The following PCDH15 variants were observed in gnomAD, a reference collection of about 807,000 sequenced individuals.
PCDH15 encodes the protein protocadherin related 15.
A neutral mutation model predicts 178.5 loss-of-function variants in PCDH15; 129 were observed. The observed-to-expected ratio is 0.72, with a 90% CI of 0.63 to 0.84. The LOEUF (loss-of-function observed/expected upper bound fraction) is 0.84. Ranked by LOEUF, PCDH15 falls within the 40% of genes least tolerant of loss-of-function variation. The pLI is 0.00. For missense variants in PCDH15, 2,230 were observed against 2,099.9 expected (o/e 1.06, Z -1.21); for synonymous variants, 800 against 732.0 (o/e 1.09, Z -1.50).
chr10:54,468,704 T>C (rs2077693132), intron 3 of PCDH15, among the ~76,000 whole-genome samples: 1 of 152,198 alleles, frequency 6.6e-6, no homozygotes, highest in Non-Finnish European at 1.5e-5. Context: ...TCTTTTTTGA[T>C]GTTTTTGTCA....
intron 25 of PCDH15, among the ~76,000 whole-genome samples, chr10:53,926,676 G>A (rs1168949135): frequency 6.6e-6 from 1 of 152,172 alleles, no homozygotes; most frequent in African/African-American, 2.4e-5. Flanking sequence ...ACATGTTCTA[G>A]GATCTGAGGG....
At chr10:54,409,474 T>C (rs1953161504) in intron 3 of PCDH15, among the ~76,000 whole-genome samples, 1 of 152,172 alleles carries the variant, frequency 6.6e-6, no homozygotes, top group South Asian at 2.1e-4. Flanking sequence ...CTGTTGAAGA[T>C]GAGGAACTAG....
intron 1 of PCDH15, among the ~76,000 whole-genome samples, chr10:55,189,700 T>C (rs932967641): frequency 6.6e-6 from 1 of 151,892 alleles, no homozygotes; most frequent in Non-Finnish European, 1.5e-5. Flanking sequence ...TCTTTTTCTT[T>C]TTTTGCAATA....
intron 1 of PCDH15, among the ~76,000 whole-genome samples, chr10:55,263,259 T>C (rs776916558): frequency 1.3e-5 from 2 of 152,198 alleles, no homozygotes; most frequent in African/African-American, 4.8e-5. Flanking sequence ...CTCTTTTCTC[T>C]CTTTTATGGT....
At chr10:54,369,085 C>T in intron 5 of PCDH15, 35 bp downstream of exon 5, 1 of 1,608,398 alleles carries the variant, frequency 6.2e-7, no homozygotes, top group Non-Finnish European at 8.5e-7. Context: ...CATATATCAA[C>T]AGAAAGGACA....
chr10:55,148,143 G>A (rs780786539), intron 2 of PCDH15, among the ~76,000 whole-genome samples: 3 of 151,706 alleles, frequency 2.0e-5, no homozygotes, highest in Admixed American at 2.0e-4. Flanking sequence ...CTATCACATA[G>A]TACTGAAAAT....
intron 17 of PCDH15, among the ~76,000 whole-genome samples, chr10:54,069,303 A>C (rs12255282): frequency 0.21 from 32,157 of 152,092 alleles, 3,612 homozygotes; most frequent in Non-Finnish European, 0.25. Context: ...TTTAAAATTT[A>C]TATTCATGTT....
chr10:54,656,125 T>C (rs182478523), intron 2 of PCDH15: 2 of 152,304 alleles, frequency 1.3e-5, no homozygotes, highest in African/African-American at 4.8e-5. Flanking sequence ...TTTTTGTTTA[T>C]TTCTTTGTTT....
chr10:55,177,397 C>T (rs1374038171), intron 1 of PCDH15, among the ~76,000 whole-genome samples: 6 of 152,104 alleles, frequency 3.9e-5, no homozygotes, highest in African/African-American at 1.4e-4. Flanking sequence ...CCGTTCAATC[C>T]TTATGGATCA....
intron 6 of PCDH15, 90 bp from the exon 7 acceptor site, chr10:54,329,796 G>A: frequency 1.2e-6 from 1 of 841,846 alleles, no homozygotes; most frequent in East Asian, 2.4e-5. Flanking sequence ...TTGGAAGTTA[G>A]AGATGACATG....
At chr10:53,957,718 G>A (rs2087770725) in intron 23 of PCDH15, among the ~76,000 whole-genome samples, 2 of 151,820 alleles carry the variant, frequency 1.3e-5, no homozygotes, top group South Asian at 2.1e-4. Context: ...GTTGACCTCG[G>A]GCAACAAACT....
At chr10:54,142,277 T>G (rs764454934) in intron 14 of PCDH15, among the ~76,000 whole-genome samples, 42 of 152,162 alleles carry the variant, frequency 2.8e-4, no homozygotes, top group Non-Finnish European at 5.4e-4. Flanking sequence ...CTAATCCTTG[T>G]GCTGTTAAGT....
At position 55,564,172 on chromosome 10, in the gene PCDH15, T is replaced by C. The variant is rs571178565; in HGVS notation, c.-156+63453A>G. Among the ~76,000 whole-genome samples, 17 of 151,868 alleles carry C rather than the reference T, an allele frequency of 1.1e-4. No individual in the cohort carries two copies. The South Asian group carries it at 3.3e-3, about 30-fold the overall frequency. On this transcript the variant is annotated intron_variant, in intron 2 of 5. Coordinates refer to the PCDH15 transcript ENST00000613346. ...ATTTTGTTTTATACATAATAGAGAA[T>C]ACTAATATATTTAAAATGATTATGT... is the stretch of plus-strand genomic sequence containing the variant.
At chr10:54,454,777 T>C (rs978061509) in intron 3 of PCDH15, among the ~76,000 whole-genome samples, 3 of 152,212 alleles carry the variant, frequency 2.0e-5, no homozygotes, top group African/African-American at 7.2e-5. Flanking sequence ...TTTGACCTTT[T>C]CAAGCAAAAT....
intron 3 of PCDH15, among the ~76,000 whole-genome samples, chr10:54,873,443 G>T (rs1954075445): frequency 6.7e-6 from 1 of 150,152 alleles, no homozygotes; most frequent in Non-Finnish European, 1.5e-5. Flanking sequence ...TGATAGTTTT[G>T]TGATAAAAAA....
chr10:54,112,441 T>C (rs886975855), intron 15 of PCDH15, among the ~76,000 whole-genome samples: 1 of 152,138 alleles, frequency 6.6e-6, no homozygotes, highest in Non-Finnish European at 1.5e-5. Flanking sequence ...CAGAGATCCA[T>C]TGCTTTTATC....
rs146621886 is a variant in PCDH15 at position 54,764,469 on chromosome 10, T to C, written c.-29+36456A>G. ...GTAAGAAAATAAAAAATAAAGATTT[T>C]AATTCCAAGAATGCCCCAAACTAAG... On this transcript the variant is annotated intron_variant, in intron 1 of 37. Transcript: ENST00000644397. Among the ~76,000 whole-genome samples the C allele has an allele frequency of 6.5e-3, 921 of 141,400 alleles. 6 individuals carry two copies. Among genetic ancestry groups the C allele is most frequent in the Non-Finnish European group, 9.9e-3 (628 of 63,152 alleles). The allele number at this position is 141,400 out of a possible 152,430, so 92.8% of individuals were successfully genotyped here.
intron 3 of PCDH15, among the ~76,000 whole-genome samples, chr10:54,482,406 CAATTA>C (rs909752140): frequency 1.3e-5 from 2 of 151,432 alleles, no homozygotes; most frequent in African/African-American, 4.8e-5. Context: ...ATTGATATCC[CAATTA>C]AATTAAAAGA....
chr10:54,080,850 T>A (rs1453776882), intron 16 of PCDH15, among the ~76,000 whole-genome samples: 1 of 152,322 alleles, frequency 6.6e-6, no homozygotes, highest in South Asian at 2.1e-4. Flanking sequence ...AAGGTCCAGA[T>A]AATCCCATTT....
Sources: gnomAD v4.1 joint callset for allele counts (sites outside exome capture counted in the v4.1 genomes callset) on GRCh38, gnomAD v4.1.1 for gene constraint, MANE v1.5 for transcripts, NCBI Gene and HGNC (gene_info 2026-07-23, HGNC 2026-07-21) for gene names.